The following FRY variants were observed in gnomAD, a reference collection of about 807,000 sequenced individuals.
FRY encodes protein furry homolog.
Under a neutral mutation model 348.4 loss-of-function variants are expected in FRY, and 128 were observed. The observed-to-expected ratio is 0.37, with a 90% CI of 0.32 to 0.43. The LOEUF is 0.43. Ranked by LOEUF, FRY falls within the 20% of genes least tolerant of loss-of-function variation. The probability of loss-of-function intolerance (pLI) is 1.00; values close to 1 mark genes in which losing one functional copy is unlikely to be tolerated. For missense variants in FRY, 2,736 were observed against 3,695.2 expected (o/e 0.74, Z 6.73); for synonymous variants, 1,370 against 1,374.7 (o/e 1.00, Z 0.08).
At chr13:32,164,817 G>T (rs998922786) in intron 17 of FRY, among the ~76,000 whole-genome samples, 2 of 152,092 alleles carry the variant, frequency 1.3e-5, no homozygotes, top group African/African-American at 2.4e-5. Context: ...TTTTTCTCTC[G>T]TTCTCCTCTC....
intron 31 of FRY, among the ~76,000 whole-genome samples, chr13:32,208,224 C>A (rs985658482): frequency 2.0e-5 from 3 of 152,340 alleles, no homozygotes; most frequent in Non-Finnish European, 4.4e-5. Flanking sequence ...TCCTAGAGAT[C>A]CGCATGTCAC....
At chr13:32,035,925 T>TGTTGTAGTGAGTTAA (rs1872489127) in intron 1 of FRY, among the ~76,000 whole-genome samples, 1 of 152,184 alleles carries the variant, frequency 6.6e-6, no homozygotes, top group African/African-American at 2.4e-5. Flanking sequence ...TTTTCAGGTA[T>TGTTGTAGTGAGTTAA]GTTGTAGTGA....
chr13:32,267,092 C>T (rs1887960047), intron 54 of FRY, 78 bp from the exon 55 acceptor site: 3 of 1,349,050 alleles, frequency 2.2e-6, no homozygotes, highest in South Asian at 2.3e-5. Flanking sequence ...TGCTGACTCT[C>T]AGGGTGAGAA....
intron 19 of FRY, among the ~76,000 whole-genome samples, chr13:32,175,261 G>A (rs1418307012): frequency 6.6e-6 from 1 of 152,136 alleles, no homozygotes; most frequent in Non-Finnish European, 1.5e-5. Context: ...GTATGGCACT[G>A]GTAGATTCTC....
chr13:32,154,263 G>A (rs1880974205), intron 14 of FRY, among the ~76,000 whole-genome samples: 1 of 152,124 alleles, frequency 6.6e-6, no homozygotes, highest in South Asian at 2.1e-4. Context: ...ATTTTTTAAA[G>A]TAATATTCTT....
chr13:32,225,937 C>T lies in FRY; in HGVS notation c.5169C>T (p.Thr1723=), dbSNP rs756813339. ...TREMGEAKTL[T]VQPAYQPEYL... ...AGATGGGTGAAGCTAAGACTCTAAC[C>T]GTGCAGCCAGCCTACCAACCTGAAT... The change falls in exon 39 of 61, where the codon ACC becomes ACT. Residue 1723 remains threonine, a synonymous_variant. Transcript: ENST00000542859. The T allele has an allele frequency of 5.0e-6, 8 of 1,613,992 alleles. No individual in the cohort carries two copies. Among genetic ancestry groups the T allele is most frequent in the Admixed American group, 1.7e-5 (1 of 59,998 alleles).
intron 41 of FRY, among the ~76,000 whole-genome samples, 169 bp from the exon 42 acceptor site, chr13:32,234,405 A>G (rs1461844603): frequency 6.6e-6 from 1 of 152,150 alleles, no homozygotes; most frequent in Non-Finnish European, 1.5e-5. Context: ...CCTGGGCAGC[A>G]GAGTGAGACC....
chr13:32,122,396 G>A (rs1487308686), intron 4 of FRY, among the ~76,000 whole-genome samples: 2 of 151,456 alleles, frequency 1.3e-5, no homozygotes, highest in South Asian at 2.1e-4. Flanking sequence ...TGAGCAAGAT[G>A]GCACCACTGC....
chr13:32,145,522 A>ATTT (rs1593664456), intron 11 of FRY, among the ~76,000 whole-genome samples: 2 of 106,000 alleles, frequency 1.9e-5, no homozygotes, highest in Admixed American at 9.4e-5. Context: ...TCTCTGACTG[A>ATTT]TTTGTTTTTT....
intron 11 of FRY, among the ~76,000 whole-genome samples, chr13:32,141,693 C>G (rs1424519642): frequency 6.6e-6 from 1 of 152,232 alleles, no homozygotes. Flanking sequence ...GTCTATACCA[C>G]TGATTGCATC....
intron 33 of FRY, among the ~76,000 whole-genome samples, chr13:32,210,393 A>G (rs1020051657): frequency 3.3e-5 from 5 of 152,218 alleles, no homozygotes; most frequent in Admixed American, 6.5e-5. Flanking sequence ...GAGGCCTGCA[A>G]TAATGTGGAG....
rs376830480 is a variant in FRY, at chr13:32,093,451, G to A, written c.271-8512G>A. The stretch of plus-strand genomic sequence containing the variant: ...TATTGAGGAAACGTCTTTCTTTCCC[G>A]CTCTTTCCTTCAGTCTGGATGTGGC... On this transcript the variant is annotated intron_variant, in intron 2 of 60. Coordinates refer to ENST00000542859, the MANE Select transcript of FRY (RefSeq NM_023037.3). Among the ~76,000 whole-genome samples, 10 of 152,010 alleles carry A rather than the reference G, an allele frequency of 6.6e-5. No homozygotes were observed. In the East Asian group the frequency reaches 9.7e-4, roughly 15 times the overall value.
At chr13:32,129,348 G>A (rs1387441739) in intron 7 of FRY, among the ~76,000 whole-genome samples, 1 of 152,152 alleles carries the variant, frequency 6.6e-6, no homozygotes, top group African/African-American at 2.4e-5. Flanking sequence ...CAGTAGGTCT[G>A]CGGTAGGACC....
chr13:32,240,882 G>A (rs188464575), intron 46 of FRY, among the ~76,000 whole-genome samples: 1 of 152,148 alleles, frequency 6.6e-6, no homozygotes, highest in Non-Finnish European at 1.5e-5. Flanking sequence ...GGCTCCACAA[G>A]CCTGAAAGCA....
chr13:32,291,011 C>T (rs1421431058), intron 59 of FRY, among the ~76,000 whole-genome samples: 2 of 152,132 alleles, frequency 1.3e-5, no homozygotes, highest in African/African-American at 4.8e-5. Flanking sequence ...CTGGCTTAAA[C>T]GGCGACTGAC....
chr13:32,232,387 T>C (rs1490526946), intron 41 of FRY, among the ~76,000 whole-genome samples: 1 of 152,188 alleles, frequency 6.6e-6, no homozygotes, highest in Non-Finnish European at 1.5e-5. Context: ...TGGCCTGTTT[T>C]CTCTATACAT....
chr13:32,153,448 C>T (rs1423584811), intron 14 of FRY, among the ~76,000 whole-genome samples: 1 of 152,118 alleles, frequency 6.6e-6, no homozygotes, highest in Non-Finnish European at 1.5e-5. Context: ...AGTCTATGTA[C>T]TATTTGATTC....
chr13:32,119,393 G>A (rs1456958020), intron 4 of FRY, among the ~76,000 whole-genome samples: 1 of 152,190 alleles, frequency 6.6e-6, no homozygotes, highest in Non-Finnish European at 1.5e-5. Flanking sequence ...TCTGGCTCCT[G>A]GCAGTTAGAC....
intron 58 of FRY, among the ~76,000 whole-genome samples, chr13:32,279,611 C>A (rs1453658952): frequency 6.6e-6 from 1 of 152,176 alleles, no homozygotes; most frequent in Non-Finnish European, 1.5e-5. Flanking sequence ...AGGCTGCTGC[C>A]CCATCTAGGG....
Sources: gnomAD v4.1 joint callset for allele counts (sites outside exome capture counted in the v4.1 genomes callset) on GRCh38, gnomAD v4.1.1 for gene constraint, MANE v1.5 for transcripts, NCBI Gene and HGNC (gene_info 2026-07-23, HGNC 2026-07-21) for gene names.